The following CCBE1 variants were observed in gnomAD, a reference collection of about 807,000 sequenced individuals.
The protein encoded by CCBE1 is collagen and calcium binding EGF domains 1.
In CCBE1, 37 loss-of-function variants were observed where a neutral mutation model predicts 50.0. The ratio of observed to expected loss-of-function variants is 0.74; its 90% CI spans 0.57 to 0.97. The LOEUF is 0.97. CCBE1 is among the 50% of genes least tolerant of loss of function. The pLI is 0.00. For missense variants in CCBE1, 538 were observed against 523.8 expected (o/e 1.03, Z -0.26); for synonymous variants, 234 against 203.7 (o/e 1.15, Z -1.27).
At chr18:59,597,865 G>A (rs1399957363) in intron 2 of CCBE1, among the ~76,000 whole-genome samples, 1 of 152,202 alleles carries the variant, frequency 6.6e-6, no homozygotes, top group Non-Finnish European at 1.5e-5. Flanking sequence ...GGATAACTGA[G>A]AGTTTCCAAA....
chr18:59,551,030 G>GAAAAAAAAAAAA (rs1413332248), intron 2 of CCBE1, among the ~76,000 whole-genome samples: 1 of 83,802 alleles, frequency 1.2e-5, no homozygotes, highest in Non-Finnish European at 2.5e-5. Flanking sequence ...AAAAAAAAAA[G>GAAAAAAAAAAAA]AAAAGAAAAG....
At chr18:59,513,731 A>G (rs141616096) in intron 2 of CCBE1, among the ~76,000 whole-genome samples, 24 of 152,338 alleles carry the variant, frequency 1.6e-4, no homozygotes, top group Non-Finnish European at 3.1e-4. Flanking sequence ...GGGCCTGGCA[A>G]TGGTAACATT....
intron 3 of CCBE1, among the ~76,000 whole-genome samples, chr18:59,476,560 A>G (rs1432434808): frequency 6.6e-6 from 1 of 152,232 alleles, no homozygotes; most frequent in Non-Finnish European, 1.5e-5. Flanking sequence ...GTCACACATA[A>G]TACTGAAATA....
intron 2 of CCBE1, among the ~76,000 whole-genome samples, chr18:59,656,656 G>T (rs1389900813): frequency 1.3e-5 from 2 of 152,134 alleles, no homozygotes; most frequent in Admixed American, 6.5e-5. Context: ...GCGGGCAATT[G>T]GTTGGCTAAT....
At chr18:59,671,817 A>AG (rs1052416204) in intron 2 of CCBE1, among the ~76,000 whole-genome samples, 12 of 134,096 alleles carry the variant, frequency 8.9e-5, no homozygotes, top group African/African-American at 3.1e-4. Context: ...AAGGTTAAAA[A>AG]AAAAGGGGGG....
intron 2 of CCBE1, among the ~76,000 whole-genome samples, chr18:59,573,280 G>A (rs1209653868): frequency 1.1e-4 from 4 of 36,036 alleles, no homozygotes; most frequent in Non-Finnish European, 2.0e-4. Flanking sequence ...GTGAGACTCC[G>A]TCTAATATAT....
At chr18:59,494,804 A>G (rs8086827) in intron 2 of CCBE1, among the ~76,000 whole-genome samples, 43,079 of 152,054 alleles carry the variant, frequency 0.28, 6,315 homozygotes, top group Middle Eastern at 0.36. Context: ...AAGGCAGGGC[A>G]TGGAGCTCTA....
chr18:59,476,555 A>G (rs905189742), intron 3 of CCBE1, among the ~76,000 whole-genome samples: 8 of 152,244 alleles, frequency 5.3e-5, no homozygotes, highest in African/African-American at 1.9e-4. Context: ...AAGAAGTCAC[A>G]CATAATACTG....
intron 2 of CCBE1, among the ~76,000 whole-genome samples, chr18:59,676,606 T>A (rs1318625416): frequency 6.6e-6 from 1 of 152,158 alleles, no homozygotes; most frequent in Non-Finnish European, 1.5e-5. Context: ...TTCTGCAACA[T>A]CAGGAACCGT....
At chr18:59,598,445 G>A (rs1346981649) in intron 2 of CCBE1, among the ~76,000 whole-genome samples, 1 of 152,192 alleles carries the variant, frequency 6.6e-6, no homozygotes, top group South Asian at 2.1e-4. Context: ...TTTCACTTGA[G>A]TGCAGATGAC....
chr18:59,682,467 A>G (rs184012917), intron 2 of CCBE1, among the ~76,000 whole-genome samples: 1 of 152,238 alleles, frequency 6.6e-6, no homozygotes, highest in Admixed American at 6.5e-5. Flanking sequence ...TTTCAAGTAT[A>G]TCAAGATTAA....
chr18:59,450,015 AG>A (rs984018789), intron 6 of CCBE1, among the ~76,000 whole-genome samples: 3 of 152,204 alleles, frequency 2.0e-5, no homozygotes, highest in Admixed American at 2.0e-4. Context: ...GCGGCTGTCC[AG>A]AATCTCTGGC....
chr18:59,608,827 C>G (rs533097915), intron 2 of CCBE1, among the ~76,000 whole-genome samples: 1 of 152,206 alleles, frequency 6.6e-6, no homozygotes, highest in Non-Finnish European at 1.5e-5. Flanking sequence ...CACATTAGAT[C>G]CTTGCTGCCC....
intron 2 of CCBE1, among the ~76,000 whole-genome samples, chr18:59,494,465 G>A (rs993296813): frequency 2.0e-5 from 3 of 151,640 alleles, no homozygotes; most frequent in African/African-American, 7.3e-5. Context: ...TCGTTAAAAA[G>A]GCTACTAAAA....
intron 2 of CCBE1, among the ~76,000 whole-genome samples, chr18:59,621,042 G>A (rs2053704189): frequency 6.6e-6 from 1 of 152,194 alleles, no homozygotes; most frequent in Non-Finnish European, 1.5e-5. Context: ...AATGGCATCT[G>A]AAGTTGTGGC....
At chr18:59,514,498 C>T (rs147456490) in intron 2 of CCBE1, among the ~76,000 whole-genome samples, 1 of 152,196 alleles carries the variant, frequency 6.6e-6, no homozygotes, top group Non-Finnish European at 1.5e-5. Context: ...GCCACCCTGA[C>T]ATTTTCGGCT....
intron 2 of CCBE1, among the ~76,000 whole-genome samples, chr18:59,659,607 C>T (rs1568259534): frequency 6.6e-6 from 1 of 152,160 alleles, no homozygotes; most frequent in African/African-American, 2.4e-5. Flanking sequence ...AATGCACAGC[C>T]AGAAAAGAGT....
intron 2 of CCBE1, among the ~76,000 whole-genome samples, chr18:59,679,730 C>A (rs1182678271): frequency 2.0e-5 from 3 of 152,186 alleles, no homozygotes; most frequent in Admixed American, 6.5e-5. Context: ...GTTGAGGATG[C>A]GCGTCCATGA....
intron 2 of CCBE1, among the ~76,000 whole-genome samples, chr18:59,624,927 T>TA (rs1157712348): frequency 6.6e-6 from 1 of 152,246 alleles, no homozygotes; most frequent in East Asian, 1.9e-4. Context: ...TATAAGTTGA[T>TA]ACACTCACAC....
Sources: allele counts gnomAD v4.1 joint callset (sites outside exome capture counted in the v4.1 genomes callset), GRCh38; gene constraint gnomAD v4.1.1; transcripts MANE v1.5; gene names NCBI Gene and HGNC (gene_info 2026-07-23, HGNC 2026-07-21).